The following NEDD4 variants were observed in gnomAD, a reference collection of about 807,000 sequenced individuals.
NEDD4 encodes NEDD4 E3 ubiquitin protein ligase, also known as E3 ubiquitin-protein ligase NEDD4.
NEDD4 carries 99 observed loss-of-function variants against 144.9 expected under a neutral mutation model. The observed-to-expected ratio is 0.68, with a 90% CI of 0.58 to 0.81. The LOEUF (loss-of-function observed/expected upper bound fraction) is 0.81. Among genes scored for constraint, NEDD4 ranks in the 30% least tolerant of loss-of-function variants. NEDD4 has a pLI of 0.00. For synonymous variants in NEDD4, 318 were observed against 350.6 expected (o/e 0.91, Z 1.04); for missense variants, 985 against 1,065.9 (o/e 0.92, Z 1.06).
chr15:55,921,425 A>C lies in NEDD4; in HGVS notation c.291+3221T>G, dbSNP rs556539719. ...CTGCAACCTCCACCTCCTGGGCTCA[A>C]GCAATTCTCATGCCTCAGTCTCCAG... On this transcript the variant is annotated intron_variant, in intron 5 of 28. Coordinates refer to ENST00000435532, the MANE Select transcript of NEDD4 (RefSeq NM_006154.4). Among the ~76,000 whole-genome samples, 3 of 152,070 alleles carry C rather than the reference A, an allele frequency of 2.0e-5. No homozygotes were observed. In the South Asian group the frequency reaches 6.3e-4, roughly 32 times the overall value.
intron 5 of NEDD4, among the ~76,000 whole-genome samples, chr15:55,882,283 G>C (rs112740777): frequency 0.032 from 4,904 of 152,296 alleles, 82 homozygotes; most frequent in Admixed American, 0.037. Flanking sequence ...GGGTAGGAAA[G>C]ACAGTCTTCA....
chr15:55,912,653 T>C (rs2036313110), intron 5 of NEDD4, among the ~76,000 whole-genome samples: 1 of 152,120 alleles, frequency 6.6e-6, no homozygotes, highest in African/African-American at 2.4e-5. Context: ...GTAACTACTA[T>C]ACAGATTTAG....
intron 5 of NEDD4, among the ~76,000 whole-genome samples, chr15:55,910,754 C>A: frequency 6.6e-6 from 1 of 152,130 alleles, no homozygotes; most frequent in East Asian, 1.9e-4. Flanking sequence ...TTCTTCTTCA[C>A]CCTCCCAATC....
chr15:55,908,403 A>G (rs1287891006), intron 5 of NEDD4, among the ~76,000 whole-genome samples: 9 of 152,104 alleles, frequency 5.9e-5, no homozygotes, highest in African/African-American at 2.2e-4. Context: ...TTAGTATCTG[A>G]AGTATTATTG....
intron 1 of NEDD4, among the ~76,000 whole-genome samples, chr15:55,985,302 G>C (rs893752717): frequency 6.6e-6 from 1 of 152,234 alleles, no homozygotes; most frequent in East Asian, 1.9e-4. Flanking sequence ...TGGAGTGAGG[G>C]TGAATTTCAC....
intron 12 of NEDD4, among the ~76,000 whole-genome samples, chr15:55,854,876 G>A (rs2034130372): frequency 6.6e-6 from 1 of 152,016 alleles, no homozygotes; most frequent in African/African-American, 2.4e-5. Flanking sequence ...CTGCTCATCC[G>A]GTCCATCTAA....
At position 55,946,774 on chromosome 15, in the gene NEDD4, A is replaced by G. The variant is rs2037123527; in HGVS notation, c.237+4602T>C. Among the ~76,000 whole-genome samples, 3 of 152,310 alleles carry G rather than the reference A, an allele frequency of 2.0e-5. No individual in the cohort carries two copies. In the South Asian group the frequency reaches 6.2e-4, roughly 32 times the overall value. Reference sequence around the variant, plus strand: ...AGTTGGAAGTAAAGCACTCCTCAGCAAATGTAAAAGAACAGAAATTATAAC... The same window carrying G: ...AGTTGGAAGTAAAGCACTCCTCAGCGAATGTAAAAGAACAGAAATTATAAC... On this transcript the variant is annotated intron_variant, in intron 4 of 28. Transcript: ENST00000435532.
intron 5 of NEDD4, among the ~76,000 whole-genome samples, chr15:55,901,556 A>T (rs2035915480): frequency 6.6e-6 from 1 of 152,168 alleles, no homozygotes; most frequent in African/African-American, 2.4e-5. Flanking sequence ...AGGCTTTAGA[A>T]ATCCTGTATT....
At chr15:55,977,899 GA>G (rs1450162894) in intron 1 of NEDD4, among the ~76,000 whole-genome samples, 2 of 152,064 alleles carry the variant, frequency 1.3e-5, no homozygotes, top group Admixed American at 1.3e-4. Context: ...CTCCAAAACT[GA>G]ATTCTGCCAA....
intron 1 of NEDD4, among the ~76,000 whole-genome samples, chr15:55,979,602 C>T (rs1304928471): frequency 6.6e-6 from 1 of 151,768 alleles, no homozygotes; most frequent in Non-Finnish European, 1.5e-5. Flanking sequence ...ATCCACCCGC[C>T]TCGGCCTCCC....
intron 5 of NEDD4, among the ~76,000 whole-genome samples, chr15:55,912,755 A>G (rs2036316306): frequency 6.6e-6 from 1 of 152,180 alleles, no homozygotes; most frequent in African/African-American, 2.4e-5. Flanking sequence ...TATTACACAT[A>G]CTGTTAAAAT....
chr15:55,959,660 C>G (rs1404452005), intron 2 of NEDD4, among the ~76,000 whole-genome samples: 5 of 152,170 alleles, frequency 3.3e-5, no homozygotes, highest in African/African-American at 4.8e-5. Context: ...TGTAATCCAT[C>G]TTGCTAGGAG....
At chr15:55,986,726 AC>A (rs1255416067) in intron 1 of NEDD4, among the ~76,000 whole-genome samples, 18 of 150,440 alleles carry the variant, frequency 1.2e-4, no homozygotes, top group Non-Finnish European at 1.5e-5. Context: ...AGTAGCTGGG[AC>A]TACAGGCACC....
At chr15:55,988,502 A>AAG (rs1163340973) in intron 1 of NEDD4, among the ~76,000 whole-genome samples, 8 of 148,574 alleles carry the variant, frequency 5.4e-5, no homozygotes, top group Non-Finnish European at 7.5e-5. Context: ...AAAAAAAAAA[A>AAG]AAAAGAAAAA....
At chr15:55,946,253 G>A (rs1396982708) in intron 4 of NEDD4, among the ~76,000 whole-genome samples, 1 of 152,164 alleles carries the variant, frequency 6.6e-6, no homozygotes, top group Non-Finnish European at 1.5e-5. Flanking sequence ...CTGTATTCAG[G>A]AGACCCACCT....
chr15:55,992,019 A>C (rs1287733238), intron 1 of NEDD4: 4 of 152,240 alleles, frequency 2.6e-5, no homozygotes, highest in Non-Finnish European at 5.9e-5. Flanking sequence ...TGAATATAGC[A>C]GGGAAAGAAA....
chr15:55,858,091 A>C (rs1011231412), intron 11 of NEDD4, among the ~76,000 whole-genome samples: 1 of 152,164 alleles, frequency 6.6e-6, no homozygotes, highest in Non-Finnish European at 1.5e-5. Flanking sequence ...ATTCTGGTGT[A>C]ACAAACACAC....
chr15:55,902,825 G>T (rs1464832071), intron 5 of NEDD4, among the ~76,000 whole-genome samples: 1 of 152,068 alleles, frequency 6.6e-6, no homozygotes, highest in Non-Finnish European at 1.5e-5. Context: ...CAAGTTGGAA[G>T]ACAAGGAAGG....
At position 55,915,191 on chromosome 15, in the gene NEDD4, G is replaced by A. The variant is rs185242219; in HGVS notation, c.291+9455C>T. 7.6e-4 allele frequency: 929 copies of A among 1,219,982 alleles called. 4 individuals are homozygous for A. Among genetic ancestry groups the A allele is most frequent in the African/African-American group, 7.3e-3 (479 of 65,388 alleles). The allele number at this position is 1,219,982 out of a possible 1,614,324, so 75.6% of individuals were successfully genotyped here. ...TGCTAGCTAAGGACCAGGAAAATAT[G>A]TAAAACTGCTTGGTTACAATAAATG... On this transcript the variant is annotated intron_variant, in intron 5 of 28. Coordinates refer to ENST00000435532, the MANE Select transcript of NEDD4 (RefSeq NM_006154.4).
Sources: allele counts gnomAD v4.1 joint callset (sites outside exome capture counted in the v4.1 genomes callset), GRCh38; gene constraint gnomAD v4.1.1; transcripts MANE v1.5; gene names NCBI Gene and HGNC (gene_info 2026-07-23, HGNC 2026-07-21).